The following CAND2 variants were observed in gnomAD, a reference collection of about 807,000 sequenced individuals.
CAND2 encodes cullin-associated NEDD8-dissociated protein 2.
A neutral mutation model predicts 98.9 loss-of-function variants in CAND2; 62 were observed. That is an observed-to-expected ratio of 0.63 (90% confidence interval 0.51 to 0.77). CAND2 has a LOEUF of 0.77. Ranked by LOEUF, CAND2 falls within the 30% of genes least tolerant of loss-of-function variation. The pLI is 0.00. For synonymous variants in CAND2, 770 were observed against 731.9 expected, an observed-to-expected ratio of 1.05 and a Z score of -0.84; for missense variants, 1,501 against 1,655.2, an observed-to-expected ratio of 0.91 and a Z score of 1.62.
intron 5 of CAND2, among the ~76,000 whole-genome samples, chr3:12,812,088 T>C (rs2061855758): frequency 6.6e-6 from 1 of 151,256 alleles, no homozygotes; most frequent in Non-Finnish European, 1.5e-5. Context: ...TTTGTATTTT[T>C]AGTAGAGATG....
intron 10 of CAND2, 63 bp from the exon 11 acceptor site, chr3:12,820,000 GGGGGAGGAGCCTAAGCACCTTCT>G: frequency 9.7e-7 from 1 of 1,034,734 alleles, no homozygotes; most frequent in South Asian, 1.3e-5. Flanking sequence ...CAGGGAAGCA[GGGGGAGGAGCCTAAGCACCTTCT>G]GATCTGTGAG....
At chr3:12,824,655 T>G (rs2061985419) in intron 11 of CAND2, among the ~76,000 whole-genome samples, 1 of 152,170 alleles carries the variant, frequency 6.6e-6, no homozygotes, top group Non-Finnish European at 1.5e-5. Flanking sequence ...ATGCCTGTAA[T>G]CTCGGCACTG....
intron 5 of CAND2, among the ~76,000 whole-genome samples, chr3:12,812,357 GGGACTACAGGTGT>G (rs1224856526): frequency 6.6e-6 from 1 of 150,504 alleles, no homozygotes. Flanking sequence ...CTGAATAGCT[GGGACTACAGGTGT>G]GTGCCACCGT....
chr3:12,797,060 T>A (rs2061731070), intron 1 of CAND2, among the ~76,000 whole-genome samples: 1 of 150,654 alleles, frequency 6.6e-6, no homozygotes, highest in Non-Finnish European at 1.5e-5. Flanking sequence ...GCCCTACCTC[T>A]CACCCCCGAT....
At chr3:12,820,239 C>A in intron 11 of CAND2, 58 bp downstream of exon 11, 2 of 1,344,726 alleles carry the variant, frequency 1.5e-6, no homozygotes, top group Non-Finnish European at 2.1e-6. Context: ...AGTCCTTGAG[C>A]TTGGGCTGAT....
intron 10 of CAND2, among the ~76,000 whole-genome samples, chr3:12,818,745 C>G (rs1206295912): frequency 6.6e-6 from 1 of 152,206 alleles, no homozygotes; most frequent in Non-Finnish European, 1.5e-5. Context: ...AAATCAAGAG[C>G]TGCTGTTGTT....
rs554316807 is a variant in CAND2 at position 12,811,126 on chromosome 3, G to C, written c.757+802G>C. 1.4e-4 allele frequency among the ~76,000 whole-genome samples: 21 copies of C among 151,564 alleles called. No individual in the cohort carries two copies. The East Asian group carries it at 2.7e-3, about 20-fold the overall frequency. ...CCTTGCAGGCACACGGCGGGGGGTG[G>C]GGGGGGGAACCCCAGCTGACATGGC... On this transcript the variant is annotated intron_variant, in intron 5 of 14. Transcript: ENST00000456430.
intron 11 of CAND2, among the ~76,000 whole-genome samples, chr3:12,822,081 T>C (rs187064239): frequency 2.3e-3 from 354 of 152,304 alleles, no homozygotes; most frequent in African/African-American, 8.0e-3. Context: ...ATGGTGACTT[T>C]CTAGTTCCAT....
At chr3:12,813,176 C>G (rs1442165756) in intron 6 of CAND2, 70 bp from the exon 7 acceptor site, 2 of 1,588,886 alleles carry the variant, frequency 1.3e-6, no homozygotes, top group African/African-American at 2.7e-5. Flanking sequence ...TTTCAGGACT[C>G]CCATTGGGCC....
At chr3:12,810,534 T>C (rs902243314) in intron 5 of CAND2, among the ~76,000 whole-genome samples, 47 of 152,094 alleles carry the variant, frequency 3.1e-4, no homozygotes, top group African/African-American at 1.1e-3. Flanking sequence ...AACGCAGAGG[T>C]TGGGGCCGGA....
At chr3:12,827,323 A>C in intron 12 of CAND2, 117 bp from the exon 13 acceptor site, 6 of 925,802 alleles carry the variant, frequency 6.5e-6, no homozygotes, top group Non-Finnish European at 9.9e-6. Flanking sequence ...TGAGAGTATA[A>C]GGCACGATTT....
chr3:12,831,626 G>A (rs780802785), intron 14 of CAND2, 54 bp downstream of exon 14: 65 of 988,624 alleles, frequency 6.6e-5, no homozygotes, highest in South Asian at 4.2e-4. Context: ...TGGAGTCCTC[G>A]GCCAGTCGTT....
chr3:12,813,316 C>A lies in CAND2; in HGVS notation c.934C>A (p.Pro312Thr), dbSNP rs940285548. Residue 312 changes from proline to threonine, a missense_variant, in exon 7 of 15, where the codon CCC becomes ACC. Physicochemically the swap from Pro to Thr is conservative, Grantham distance 38. This residue lies in a region of CAND2 where 1,427 missense variants were observed against 1,545.3 expected (regional missense o/e 0.92). Transcript: ENST00000456430. ...SLCLQYIKHDPNYNYDSDEDE... is the reference protein window; with the variant it reads ...SLCLQYIKHDTNYNYDSDEDE... ...CTGCCTCCAATACATAAAACACGAC[C>A]CCAACTACAACTACGACAGTGATGA... 2.5e-6 allele frequency: 4 copies of A among 1,614,146 alleles called. No homozygotes were observed. In the East Asian group the frequency reaches 6.7e-5, roughly 27 times the overall value.
chr3:12,811,828 C>T (rs952562666), intron 5 of CAND2, among the ~76,000 whole-genome samples: 4 of 152,040 alleles, frequency 2.6e-5, no homozygotes, highest in African/African-American at 7.2e-5. Context: ...ATGATCTGCC[C>T]GCCTCGGCCT....
Position 12,815,490 on chromosome 3 carries a change from G to A in CAND2, c.1299+57G>A, listed in dbSNP as rs2061891322. 8.0e-6 allele frequency: 12 copies of A among 1,509,358 alleles called. No homozygotes were observed. In the South Asian group the frequency reaches 1.2e-4, roughly 15 times the overall value. 93.5% of individuals were successfully genotyped at this position (1,509,358 alleles called of 1,614,324 possible). A position where few individuals can be genotyped will look rare whatever the true frequency, so the allele number is the denominator to read the frequency against. On this transcript the variant is annotated intron_variant, in intron 8 of 14. Coordinates refer to ENST00000456430, the MANE Select transcript of CAND2 (RefSeq NM_001162499.2). The surrounding 1 kb of genome is among the most constrained non-coding windows in gnomAD (Gnocchi z 5.7). Reference sequence around the variant, plus strand: ...CGATTTGCCTACCCAGCCACTCACTGTTAGTGTCCCTGGACTTGGAAACTC... The same window carrying A: ...CGATTTGCCTACCCAGCCACTCACTATTAGTGTCCCTGGACTTGGAAACTC...
intron 2 of CAND2, among the ~76,000 whole-genome samples, chr3:12,805,987 T>A (rs2061803287): frequency 6.6e-6 from 1 of 152,124 alleles, no homozygotes; most frequent in Admixed American, 6.5e-5. Flanking sequence ...GGAGGTAGGA[T>A]GGAGGACTCC....
Position 12,815,537 on chromosome 3 carries a change from T to TGGAAG in CAND2, c.1299+117_1299+121dup, listed in dbSNP as rs2061891597. On this transcript the variant is annotated intron_variant, in intron 8 of 14. Transcript: ENST00000456430. The surrounding 1 kb of genome is among the most constrained non-coding windows in gnomAD (Gnocchi z 5.7). Reference sequence around the variant, plus strand: ...ACTCAGCTGGGAGAACATCCAGCCATGGAAGGGAAGGGAAGGGGTCCCTGG... The same window carrying TGGAAG: ...ACTCAGCTGGGAGAACATCCAGCCATGGAAGGGAAGGGAAGGGAAGGGGTCCCTGG... The TGGAAG allele has an allele frequency of 1.2e-5, 12 of 984,034 alleles. No homozygotes were observed. Among genetic ancestry groups the TGGAAG allele is most frequent in the East Asian group, 8.7e-5 (2 of 23,022 alleles). 61.0% of individuals were successfully genotyped at this position (984,034 alleles called of 1,614,324 possible).
At chr3:12,799,009 G>A (rs944745664) in intron 1 of CAND2, among the ~76,000 whole-genome samples, 2 of 152,146 alleles carry the variant, frequency 1.3e-5, no homozygotes, top group Non-Finnish European at 2.9e-5. Flanking sequence ...TGGGCAGGAG[G>A]TGCCCCATTA....
At chr3:12,811,124 T>TGGGGGGG (rs58543831) in intron 5 of CAND2, among the ~76,000 whole-genome samples, 6 of 144,384 alleles carry the variant, frequency 4.2e-5, no homozygotes, top group African/African-American at 8.3e-5. Flanking sequence ...CGGCGGGGGG[T>TGGGGGGG]GGGGGGGGGA....
Sources: allele counts gnomAD v4.1 joint callset (sites outside exome capture counted in the v4.1 genomes callset), GRCh38; gene constraint gnomAD v4.1.1; regional missense constraint gnomAD v4.1.1; non-coding constraint Gnocchi (gnomAD v3.1); transcripts MANE v1.5; gene names NCBI Gene and HGNC (gene_info 2026-07-23, HGNC 2026-07-21).